EVI5: variants seen among roughly 807,000 people sequenced by gnomAD.
EVI5 encodes the protein ecotropic viral integration site 5 protein homolog.
Under a neutral mutation model 112.0 loss-of-function variants are expected in EVI5, and 73 were observed. The ratio of observed to expected loss-of-function variants is 0.65; its 90% CI spans 0.54 to 0.79. The LOEUF (loss-of-function observed/expected upper bound fraction) is 0.79. EVI5 is among the 30% of genes least tolerant of loss of function. The pLI is 0.00. For synonymous variants in EVI5, 305 were observed against 319.9 expected (o/e 0.95, Z 0.50); for missense variants, 900 against 968.8 (o/e 0.93, Z 0.94).
At chr1:92,666,124 T>C in intron 10 of EVI5, 132 bp from the exon 11 acceptor site, 1 of 576,324 alleles carries the variant, frequency 1.7e-6, no homozygotes, top group Non-Finnish European at 3.0e-6. Context: ...CATTATCAAA[T>C]GTCAAAGACT....
At chr1:92,609,968 C>T (rs959257237) in intron 16 of EVI5, among the ~76,000 whole-genome samples, 1 of 152,040 alleles carries the variant, frequency 6.6e-6, no homozygotes, top group African/African-American at 2.4e-5. Flanking sequence ...TACTTGTAGC[C>T]TCAATCTCCC....
At chr1:92,743,624 CTTAA>C (rs975612227) in intron 1 of EVI5, among the ~76,000 whole-genome samples, 1 of 152,060 alleles carries the variant, frequency 6.6e-6, no homozygotes, top group Non-Finnish European at 1.5e-5. Context: ...TATGAATATA[CTTAA>C]TTATAGACTT....
chr1:92,776,392 A>C (rs1001490125), intron 1 of EVI5, among the ~76,000 whole-genome samples: 28 of 152,328 alleles, frequency 1.8e-4, no homozygotes, highest in South Asian at 6.2e-4. Flanking sequence ...GAAAATAAAA[A>C]TATAGAATGT....
At chr1:92,705,642 G>C (rs1671844479) in intron 2 of EVI5, among the ~76,000 whole-genome samples, 2 of 152,176 alleles carry the variant, frequency 1.3e-5, no homozygotes, top group Admixed American at 1.3e-4. Context: ...TGAAAGAAGG[G>C]TTAAGATAAT....
intron 1 of EVI5, among the ~76,000 whole-genome samples, chr1:92,748,188 A>G (rs994118263): frequency 6.6e-6 from 1 of 152,122 alleles, no homozygotes; most frequent in African/African-American, 2.4e-5. Context: ...GCTTCAACCA[A>G]AAGTGGGTAC....
intron 2 of EVI5, among the ~76,000 whole-genome samples, chr1:92,711,680 C>T (rs1374701450): frequency 2.0e-5 from 3 of 152,058 alleles, no homozygotes; most frequent in African/African-American, 4.8e-5. Context: ...AGATTTATTA[C>T]GGAGGAGGCA....
intron 13 of EVI5, among the ~76,000 whole-genome samples, chr1:92,636,868 T>C (rs527837096): frequency 4.6e-5 from 7 of 152,298 alleles, no homozygotes; most frequent in African/African-American, 1.7e-4. Flanking sequence ...AATAAAAATA[T>C]TAATTTTACC....
chr1:92,602,116 C>T (rs936341386), intron 18 of EVI5, among the ~76,000 whole-genome samples: 11 of 151,998 alleles, frequency 7.2e-5, no homozygotes, highest in African/African-American at 2.7e-4. Flanking sequence ...GTTGTGGTTA[C>T]TTTTGATCCA....
At chr1:92,620,402 ATACACAAATC>A (rs1654274298) in intron 16 of EVI5, among the ~76,000 whole-genome samples, 1 of 151,122 alleles carries the variant, frequency 6.6e-6, no homozygotes, top group South Asian at 2.1e-4. Context: ...AATTTGTGGC[ATACACAAATC>A]TATAAATCAA....
upstream of EVI5, among the ~76,000 whole-genome samples, chr1:92,789,338 C>T (rs576601740): frequency 4.0e-5 from 6 of 151,552 alleles, no homozygotes; most frequent in South Asian, 2.1e-4. Flanking sequence ...TTTCTCGCTC[C>T]GTCGCCCAGG....
chr1:92,735,652 A>ATGACAT (rs3042601), intron 2 of EVI5, among the ~76,000 whole-genome samples: 2 of 142,320 alleles, frequency 1.4e-5, no homozygotes, highest in Non-Finnish European at 3.0e-5. Context: ...ATATATATAT[A>ATGACAT]ATTATATAAT....
chr1:92,719,045 A>G lies in EVI5; in HGVS notation c.150-14301T>C, dbSNP rs183856837. ...CAATAACAGGCTCTGAAATTGAGGC[A>G]ATAATTAATACCCTACCAACGAAAA... is the stretch of plus-strand genomic sequence containing the variant. On this transcript the variant is annotated intron_variant, in intron 2 of 19. Transcript: ENST00000684568. Among the ~76,000 whole-genome samples, 721 of 152,330 alleles carry G rather than the reference A, an allele frequency of 4.7e-3. 4 individuals carry two copies. The highest frequency in any genetic ancestry group is 7.8e-3 in the Non-Finnish European group (528 of 68,032).
intron 19 of EVI5, among the ~76,000 whole-genome samples, chr1:92,535,885 G>A (rs748318489): frequency 3.6e-4 from 55 of 151,842 alleles, no homozygotes; most frequent in Admixed American, 1.2e-3. Flanking sequence ...TTCTGCACAC[G>A]TACCCCAGAA....
intron 1 of EVI5, among the ~76,000 whole-genome samples, chr1:92,767,741 G>C (rs537448596): frequency 1.1e-3 from 165 of 152,260 alleles, no homozygotes; most frequent in African/African-American, 3.6e-3. Flanking sequence ...TAATTCTAAT[G>C]CTTTACTGTT....
At chr1:92,692,329 G>T (rs575775715) in intron 9 of EVI5, among the ~76,000 whole-genome samples, 31 of 152,312 alleles carry the variant, frequency 2.0e-4, no homozygotes, top group African/African-American at 7.5e-4. Context: ...TAAATTCTCT[G>T]CCTGGCTAGT....
chr1:92,678,645 C>T (rs1481130314), intron 9 of EVI5, among the ~76,000 whole-genome samples: 1 of 152,054 alleles, frequency 6.6e-6, no homozygotes, highest in Non-Finnish European at 1.5e-5. Context: ...TATGGTAAGT[C>T]TAAATTTACC....
rs144493704 is a variant in EVI5 at position 92,527,955 on chromosome 1, T to C, written c.2167-13985A>G. Among the ~76,000 whole-genome samples the C allele has an allele frequency of 2.6e-5, 4 of 152,328 alleles. No homozygotes were observed. In the East Asian group the frequency reaches 7.7e-4, roughly 29 times the overall value. On this transcript the variant is annotated intron_variant, in intron 19 of 19. Transcript: ENST00000684568. ...TCTTAAACATGTCTTTTGGTCAGTA[T>C]ATGTACTCATTTCTCTAGAGTGTAA... is the stretch of plus-strand genomic sequence containing the variant.
At chr1:92,637,546 C>T (rs1335187245) in intron 13 of EVI5, among the ~76,000 whole-genome samples, 1 of 152,112 alleles carries the variant, frequency 6.6e-6, no homozygotes, top group Non-Finnish European at 1.5e-5. Flanking sequence ...ATTTTTAAGC[C>T]AGTGCCCATA....
At chr1:92,726,331 A>G (rs1255118462) in intron 2 of EVI5, among the ~76,000 whole-genome samples, 1 of 152,210 alleles carries the variant, frequency 6.6e-6, no homozygotes, top group East Asian at 1.9e-4. Context: ...CTTGAGAGTA[A>G]CAAACAAACA....
Sources: gnomAD v4.1 joint callset for allele counts (sites outside exome capture counted in the v4.1 genomes callset) on GRCh38, gnomAD v4.1.1 for gene constraint, MANE v1.5 for transcripts, NCBI Gene and HGNC (gene_info 2026-07-23, HGNC 2026-07-21) for gene names.